Variants in MCTP1 observed in about 807,000 individuals in gnomAD.
MCTP1 encodes multiple C2 and transmembrane domain-containing protein 1.
A neutral mutation model predicts 120.6 loss-of-function variants in MCTP1; 69 were observed. That is an observed-to-expected ratio of 0.57 (90% CI 0.47 to 0.70). The LOEUF (loss-of-function observed/expected upper bound fraction) is 0.70. Among genes scored for constraint, MCTP1 ranks in the 30% least tolerant of loss-of-function variants. The probability of loss-of-function intolerance (pLI) is 0.00; values close to 1 mark genes in which losing one functional copy is unlikely to be tolerated. For missense variants in MCTP1, 1,203 were observed against 1,248.8 expected, an observed-to-expected ratio of 0.96 and a Z score of 0.55; for synonymous variants, 529 against 493.1, an observed-to-expected ratio of 1.07 and a Z score of -0.96.
At chr5:95,106,659 G>A (rs1562148273) in intron 1 of MCTP1, among the ~76,000 whole-genome samples, 1 of 152,150 alleles carries the variant, frequency 6.6e-6, no homozygotes, top group Non-Finnish European at 1.5e-5. Context: ...GACCTACTGA[G>A]GGCCAGGCAC....
chr5:95,138,233 A>ACTCC (rs558143445), intron 1 of MCTP1, among the ~76,000 whole-genome samples: 1 of 142,426 alleles, frequency 7.0e-6, no homozygotes, highest in Non-Finnish European at 1.5e-5. Context: ...GTGAGATGCA[A>ACTCC]CCCCCCCCCG....
At chr5:94,792,946 CAT>C (rs1397699349) in intron 18 of MCTP1, 1 of 152,144 alleles carries the variant, frequency 6.6e-6, no homozygotes, top group African/African-American at 2.4e-5. Flanking sequence ...ATTATAAAAA[CAT>C]ATAAGTGTAA....
At chr5:95,263,143 G>A (rs1178715406) in intron 1 of MCTP1, among the ~76,000 whole-genome samples, 3 of 152,172 alleles carry the variant, frequency 2.0e-5, no homozygotes, top group African/African-American at 7.2e-5. Context: ...ATGTTTACTG[G>A]CTTCATTTGC....
intron 19 of MCTP1, among the ~76,000 whole-genome samples, chr5:94,763,838 A>T (rs1471544781): frequency 4.6e-5 from 7 of 152,144 alleles, no homozygotes; most frequent in African/African-American, 1.7e-4. Context: ...ACTTTCTGAG[A>T]CTTTGATTAC....
intron 1 of MCTP1, among the ~76,000 whole-genome samples, chr5:95,061,833 C>G (rs898929425): frequency 1.3e-5 from 2 of 152,100 alleles, no homozygotes; most frequent in African/African-American, 4.8e-5. Flanking sequence ...CATGACAGCA[C>G]CAGGATGCAG....
intron 1 of MCTP1, among the ~76,000 whole-genome samples, chr5:95,271,403 G>C (rs1759382668): frequency 6.6e-6 from 1 of 151,830 alleles, no homozygotes; most frequent in Non-Finnish European, 1.5e-5. Flanking sequence ...CAAAAAATGA[G>C]ATTCTTGTGA....
chr5:95,019,567 C>T (rs1483069462), intron 1 of MCTP1, among the ~76,000 whole-genome samples: 3 of 151,978 alleles, frequency 2.0e-5, no homozygotes, highest in Non-Finnish European at 4.4e-5. Context: ...AGGACTGGTG[C>T]TTTCATTTCT....
chr5:94,966,879 T>A (rs1237471995), intron 2 of MCTP1, among the ~76,000 whole-genome samples: 1 of 152,194 alleles, frequency 6.6e-6, no homozygotes, highest in Non-Finnish European at 1.5e-5. Context: ...TAGTGCTTTT[T>A]CTTGCACATG....
intron 17 of MCTP1, among the ~76,000 whole-genome samples, chr5:94,837,772 G>T (rs997778281): frequency 2.0e-5 from 3 of 152,170 alleles, no homozygotes; most frequent in African/African-American, 7.2e-5. Context: ...CTGGTTAATT[G>T]ACAGTCATCT....
intron 17 of MCTP1, among the ~76,000 whole-genome samples, chr5:94,847,218 G>A (rs1792595319): frequency 1.3e-5 from 2 of 152,172 alleles, no homozygotes; most frequent in South Asian, 4.1e-4. Context: ...AGGCTGAGAA[G>A]CACTGTTCTA....
At chr5:94,748,653 A>G (rs1471312555) in intron 19 of MCTP1, among the ~76,000 whole-genome samples, 1 of 152,044 alleles carries the variant, frequency 6.6e-6, no homozygotes, top group Non-Finnish European at 1.5e-5. Flanking sequence ...TATAGTTAAC[A>G]TTGCCTTGCA....
At position 94,863,835 on chromosome 5, in the gene MCTP1, T is replaced by C. The variant is rs63598762; in HGVS notation, c.2436+4498A>G. On this transcript the variant is annotated intron_variant, in intron 17 of 22. Coordinates refer to ENST00000515393, the MANE Select transcript of MCTP1 (RefSeq NM_024717.7). ...TGTGCTTCCTCCACTTTTTTTTTTT[T>C]AATCATTTGGCTATACAGAGCTGCC... is the stretch of plus-strand genomic sequence containing the variant. Among the ~76,000 whole-genome samples, 35 of 143,742 alleles carry C rather than the reference T, an allele frequency of 2.4e-4. No homozygotes were observed. The East Asian group carries it at 6.2e-3, about 25-fold the overall frequency. 94.3% of individuals were successfully genotyped at this position (143,742 alleles called of 152,430 possible). A position where few individuals can be genotyped will look rare whatever the true frequency, so the allele number is the denominator to read the frequency against.
chr5:95,132,989 G>A (rs1164223295), intron 1 of MCTP1, among the ~76,000 whole-genome samples: 1 of 152,106 alleles, frequency 6.6e-6, no homozygotes, highest in Non-Finnish European at 1.5e-5. Context: ...TTAGAACCAG[G>A]TTAGGAGCTA....
At chr5:94,997,512 G>A (rs62364693) in intron 2 of MCTP1, among the ~76,000 whole-genome samples, 6,757 of 152,188 alleles carry the variant, frequency 0.044, 173 homozygotes, top group Non-Finnish European at 0.057. Flanking sequence ...TACAACTCAC[G>A]TGTACACACG....
intron 1 of MCTP1, among the ~76,000 whole-genome samples, chr5:95,090,591 C>T (rs1437706899): frequency 1.3e-5 from 2 of 152,176 alleles, no homozygotes; most frequent in Non-Finnish European, 2.9e-5. Flanking sequence ...TAGAAGGGCA[C>T]TGACGTTGCT....
At chr5:94,926,216 T>C (rs928706266) in intron 6 of MCTP1, among the ~76,000 whole-genome samples, 1 of 152,192 alleles carries the variant, frequency 6.6e-6, no homozygotes, top group African/African-American at 2.4e-5. Context: ...GCTTTAAACA[T>C]AACACATACT....
chr5:95,041,721 T>G (rs1842392539), intron 1 of MCTP1, among the ~76,000 whole-genome samples: 1 of 152,202 alleles, frequency 6.6e-6, no homozygotes. Flanking sequence ...TCATACATAC[T>G]GCCTTTATAT....
intron 3 of MCTP1, among the ~76,000 whole-genome samples, chr5:94,946,200 G>T (rs1215814377): frequency 6.6e-6 from 1 of 152,114 alleles, no homozygotes; most frequent in African/African-American, 2.4e-5. Flanking sequence ...TGCCTCAATA[G>T]CTGCCCCAGG....
At chr5:95,253,300 T>G (rs1182551756) in intron 1 of MCTP1, among the ~76,000 whole-genome samples, 1 of 152,050 alleles carries the variant, frequency 6.6e-6, no homozygotes, top group Non-Finnish European at 1.5e-5. Context: ...GTACAAGAAT[T>G]TTTACCCACA....
Sources: gnomAD v4.1 joint callset for allele counts (sites outside exome capture counted in the v4.1 genomes callset) on GRCh38, gnomAD v4.1.1 for gene constraint, MANE v1.5 for transcripts, NCBI Gene and HGNC (gene_info 2026-07-23, HGNC 2026-07-21) for gene names.